Variants in R3HDM2 observed in about 807,000 individuals in gnomAD.
R3HDM2 encodes the protein R3H domain-containing protein 2.
A neutral mutation model predicts 124.5 loss-of-function variants in R3HDM2; 38 were observed. The ratio of observed to expected loss-of-function variants is 0.31; its 90% CI spans 0.24 to 0.40. The LOEUF (loss-of-function observed/expected upper bound fraction) is 0.40, where lower values mean the gene tolerates loss of function less well. R3HDM2 is among the 10% of genes least tolerant of loss of function. The probability of loss-of-function intolerance (pLI) is 1.00; values close to 1 mark genes in which losing one functional copy is unlikely to be tolerated. For missense variants in R3HDM2, 869 were observed against 1,236.9 expected (o/e 0.70, Z 4.46); for synonymous variants, 391 against 448.0 (o/e 0.87, Z 1.61).
At chr12:57,338,753 TC>T (rs1038015420) in intron 2 of R3HDM2, among the ~76,000 whole-genome samples, 23 of 151,758 alleles carry the variant, frequency 1.5e-4, no homozygotes, top group African/African-American at 5.6e-4. Flanking sequence ...TCTTATGGCT[TC>T]CTCAAAAATT....
In R3HDM2 at chr12:57,295,427, T is replaced by A; in HGVS notation, c.782A>T (p.Asp261Val). The A allele has an allele frequency of 6.4e-7, 1 of 1,551,652 alleles. No homozygotes were observed. The highest frequency in any genetic ancestry group is 8.7e-7 in the Non-Finnish European group (1 of 1,146,906). The part of the protein sequence containing the change: ...FQQRFILKRD[D>V]ASMDRDDNQI... ...GTTATCATCTCGGTCCATACTGGCA[T>A]CATCTCTCTTGAGAATGAACCTCTG... The change falls in exon 10 of 24, where the codon GAT becomes GTT. Residue 261 changes from aspartate to valine, a missense_variant. By Grantham distance (152) the Asp-to-Val change is radical. Transcript: ENST00000402412.
At chr12:57,315,699 C>T (rs2054866021) in intron 2 of R3HDM2, among the ~76,000 whole-genome samples, 1 of 152,208 alleles carries the variant, frequency 6.6e-6, no homozygotes, top group South Asian at 2.1e-4. Flanking sequence ...AATATGGTCA[C>T]ATATTCAACC....
intron 2 of R3HDM2, among the ~76,000 whole-genome samples, chr12:57,386,452 T>C (rs185965149): frequency 2.4e-4 from 37 of 152,352 alleles, no homozygotes; most frequent in African/African-American, 7.9e-4. Context: ...GCTTAGCACC[T>C]GGGCAAGCAG....
rs1413825477 is a variant in R3HDM2 at position 57,295,370 on chromosome 12, A to G, written c.810+29T>C. ...CAGTTTCTCTTACTGCAAACTCTCTATATAGGCCCACCCCTTTCCATTCTT... is the reference window on the plus strand; with the variant it reads ...CAGTTTCTCTTACTGCAAACTCTCTGTATAGGCCCACCCCTTTCCATTCTT... On this transcript the variant is annotated intron_variant, in intron 10 of 23. Coordinates refer to ENST00000402412, the MANE Select transcript of R3HDM2 (RefSeq NM_001394031.1). 8.8e-6 allele frequency: 13 copies of G among 1,472,806 alleles called. No individual in the cohort carries two copies. The East Asian group carries it at 3.2e-4, about 36-fold the overall frequency. The allele number at this position is 1,472,806 out of a possible 1,614,324, so 91.2% of individuals were successfully genotyped here.
chr12:57,381,769 A>G (rs1457490857), intron 2 of R3HDM2, among the ~76,000 whole-genome samples: 2 of 152,018 alleles, frequency 1.3e-5, no homozygotes, highest in Non-Finnish European at 2.9e-5. Flanking sequence ...GAGAATTGCA[A>G]TTTTATATAT....
intron 2 of R3HDM2, among the ~76,000 whole-genome samples, chr12:57,333,673 G>A (rs965495352): frequency 2.6e-5 from 4 of 151,900 alleles, no homozygotes; most frequent in Admixed American, 1.3e-4. Context: ...GGTGACAAGA[G>A]CGAAACTCCA....
chr12:57,283,433 A>C (rs1483111172), intron 13 of R3HDM2, among the ~76,000 whole-genome samples: 1 of 152,198 alleles, frequency 6.6e-6, no homozygotes, highest in Admixed American at 6.5e-5. Flanking sequence ...TACTGGGACA[A>C]ATGTTTTATT....
intron 1 of R3HDM2, among the ~76,000 whole-genome samples, chr12:57,427,078 G>C (rs1200669449): frequency 1.3e-5 from 2 of 152,090 alleles, no homozygotes; most frequent in African/African-American, 2.4e-5. Flanking sequence ...GGATCACCAG[G>C]TCAGGAGTTC....
At chr12:57,325,583 G>A (rs955924603) in intron 2 of R3HDM2, among the ~76,000 whole-genome samples, 1 of 152,034 alleles carries the variant, frequency 6.6e-6, no homozygotes, top group Non-Finnish European at 1.5e-5. Flanking sequence ...TTCTTGCTGT[G>A]TCACTCCTTC....
At chr12:57,374,846 AAT>A (rs1419676656) in intron 2 of R3HDM2, among the ~76,000 whole-genome samples, 1 of 150,610 alleles carries the variant, frequency 6.6e-6, no homozygotes, top group Admixed American at 6.6e-5. Flanking sequence ...ACAAAAAAAA[AAT>A]AGTCGGGCGT....
chr12:57,260,284 A>AAAAAAAAAAAAAAAAAAAAAC (rs2040423380), intron 19 of R3HDM2, among the ~76,000 whole-genome samples: 1 of 147,348 alleles, frequency 6.8e-6, no homozygotes, highest in Non-Finnish European at 1.5e-5. Context: ...AAAAAAAAAA[A>AAAAAAAAAAAAAAAAAAAAAC]AGCCTGCTGA....
At chr12:57,306,968 T>C (rs1193133966) in intron 3 of R3HDM2, among the ~76,000 whole-genome samples, 2 of 152,118 alleles carry the variant, frequency 1.3e-5, no homozygotes, top group Non-Finnish European at 2.9e-5. Context: ...TGAGCCAAGA[T>C]TGCGCCACTG....
intron 1 of R3HDM2, among the ~76,000 whole-genome samples, chr12:57,397,494 T>G (rs2067664630): frequency 1.3e-5 from 2 of 152,230 alleles, no homozygotes; most frequent in South Asian, 4.1e-4. Context: ...TTAACAAAGG[T>G]TTCTATGAAA....
At chr12:57,380,021 G>A (rs962537453) in intron 2 of R3HDM2, among the ~76,000 whole-genome samples, 5 of 152,078 alleles carry the variant, frequency 3.3e-5, no homozygotes, top group African/African-American at 4.8e-5. Context: ...TCTCACCAGA[G>A]AGAATTACTA....
At chr12:57,403,818 CA>C (rs397755139) in intron 1 of R3HDM2, among the ~76,000 whole-genome samples, 44 of 141,426 alleles carry the variant, frequency 3.1e-4, no homozygotes, top group Admixed American at 9.9e-4. Flanking sequence ...GACTCTGTCT[CA>C]AAAAAAAAAA....
chr12:57,301,552 T>C (rs1418343898), intron 4 of R3HDM2, among the ~76,000 whole-genome samples: 2 of 152,216 alleles, frequency 1.3e-5, no homozygotes, highest in Admixed American at 1.3e-4. Flanking sequence ...ATCTGTAAGA[T>C]GGAGATAATA....
chr12:57,371,083 CTTTTTTTTT>C (rs775839017), intron 2 of R3HDM2, among the ~76,000 whole-genome samples: 1,276 of 40,956 alleles, frequency 0.031, 51 homozygotes, highest in African/African-American at 0.11. Context: ...TATACCATTA[CTTTTTTTTT>C]TTTTTTTTTT....
chr12:57,404,586 C>T (rs995391755), intron 1 of R3HDM2, among the ~76,000 whole-genome samples: 4 of 151,942 alleles, frequency 2.6e-5, no homozygotes, highest in African/African-American at 9.7e-5. Flanking sequence ...GCCTGTAGTC[C>T]CAGCTACTCA....
chr12:57,384,613 CT>C (rs2138431541), intron 2 of R3HDM2, among the ~76,000 whole-genome samples: 1 of 152,092 alleles, frequency 6.6e-6, no homozygotes, highest in African/African-American at 2.4e-5. Flanking sequence ...ATAAAGAAAG[CT>C]ATAACATAAA....
Sources: gnomAD v4.1 joint callset for allele counts (sites outside exome capture counted in the v4.1 genomes callset) on GRCh38, gnomAD v4.1.1 for gene constraint, MANE v1.5 for transcripts, NCBI Gene and HGNC (gene_info 2026-07-23, HGNC 2026-07-21) for gene names.